The following C1orf105 variants were observed in gnomAD, a reference collection of about 807,000 sequenced individuals.
C1orf105 encodes chromosome 1 open reading frame 105, also known as uncharacterized protein C1orf105.
In C1orf105, 17 loss-of-function variants were observed where a neutral mutation model predicts 20.8. The observed-to-expected ratio is 0.82, with a 90% confidence interval of 0.56 to 1.23. C1orf105 has a LOEUF of 1.23. Among genes scored for constraint, C1orf105 ranks in the 50% most tolerant of loss-of-function variants. The probability of loss-of-function intolerance (pLI) is 0.00; values close to 1 mark genes in which losing one functional copy is unlikely to be tolerated. For missense variants in C1orf105, 219 were observed against 213.5 expected (o/e 1.03, Z -0.16); for synonymous variants, 72 against 72.1 (o/e 1.00, Z 0.01).
intron 1 of C1orf105, among the ~76,000 whole-genome samples, chr1:172,426,328 C>T (rs771439698): frequency 1.3e-5 from 2 of 152,150 alleles, no homozygotes; most frequent in Non-Finnish European, 2.9e-5. Flanking sequence ...CTCGCTAAAA[C>T]CCCCAGCTTT....
At chr1:172,426,488 T>C (rs953597261) in intron 1 of C1orf105, among the ~76,000 whole-genome samples, 10 of 152,178 alleles carry the variant, frequency 6.6e-5, no homozygotes, top group Non-Finnish European at 1.2e-4. Context: ...GTTTTAATTC[T>C]TGGGGATTTT....
intron 4 of C1orf105, among the ~76,000 whole-genome samples, chr1:172,460,105 T>C (rs6699095): frequency 0.46 from 70,245 of 151,912 alleles, 16,706 homozygotes; most frequent in East Asian, 0.68. Flanking sequence ...CATGAACTGT[T>C]CTAGGAATAA....
chr1:172,438,935 C>T (rs527952345), intron 1 of C1orf105, among the ~76,000 whole-genome samples: 29 of 152,308 alleles, frequency 1.9e-4, no homozygotes, highest in Non-Finnish European at 3.5e-4. Context: ...GATGATTGTT[C>T]GCATTTTTAG....
intron 1 of C1orf105, chr1:172,441,618 C>T (rs1647314051): frequency 7.8e-6 from 8 of 1,026,750 alleles, no homozygotes; most frequent in Non-Finnish European, 1.1e-5. Flanking sequence ...GATCTCTATT[C>T]TCTTACCACA....
chr1:172,455,163 T>C (rs774610606), intron 3 of C1orf105, among the ~76,000 whole-genome samples: 2 of 152,240 alleles, frequency 1.3e-5, no homozygotes, highest in Non-Finnish European at 2.9e-5. Context: ...GTATTTTAAA[T>C]GTTTCTCAAA....
rs1442947909 is a variant in C1orf105, at chr1:172,468,668, C to T, written c.*74C>T. 6.9e-7 allele frequency: 1 copy of T among 1,456,294 alleles called. No homozygotes were observed. The highest frequency in any genetic ancestry group is 9.3e-7 in the Non-Finnish European group (1 of 1,075,062). The allele number at this position is 1,456,294 out of a possible 1,614,324, so 90.2% of individuals were successfully genotyped here. On this transcript the variant is annotated 3_prime_UTR_variant, in exon 7 of 7. Transcript: ENST00000367727. ...GCCAAGCCAATCTTTGACACTGGCACCTTCTCCTCACAATTTTCTCTCTTC... is the reference window on the plus strand; with the variant it reads ...GCCAAGCCAATCTTTGACACTGGCATCTTCTCCTCACAATTTTCTCTCTTC...
At chr1:172,458,121 T>C (rs1649434735) in intron 4 of C1orf105, among the ~76,000 whole-genome samples, 1 of 152,170 alleles carries the variant, frequency 6.6e-6, no homozygotes, top group African/African-American at 2.4e-5. Flanking sequence ...GCTAACACCC[T>C]ACTTAATGGT....
intron 3 of C1orf105, among the ~76,000 whole-genome samples, chr1:172,454,253 TC>T (rs1287968927): frequency 6.6e-6 from 1 of 151,944 alleles, no homozygotes. Context: ...AAATTCCACT[TC>T]TAGGAAGCCT....
At chr1:172,457,070 C>A (rs1649330437) in intron 4 of C1orf105, among the ~76,000 whole-genome samples, 1 of 152,092 alleles carries the variant, frequency 6.6e-6, no homozygotes, top group South Asian at 2.1e-4. Flanking sequence ...GTGGAGGGAA[C>A]AAAGACAAAC....
intron 2 of C1orf105, 132 bp from the exon 3 acceptor site, chr1:172,448,309 C>A: frequency 3.1e-6 from 2 of 650,108 alleles, no homozygotes; most frequent in Admixed American, 2.6e-5. Context: ...TCCCCAATGG[C>A]CTGAGTGCTC....
intron 6 of C1orf105, among the ~76,000 whole-genome samples, chr1:172,467,058 A>T (rs1650119084): frequency 6.6e-6 from 1 of 152,228 alleles, no homozygotes; most frequent in South Asian, 2.1e-4. Flanking sequence ...AAACCAGAGT[A>T]GCATGTTGTC....
At chr1:172,465,980 C>T (rs1468272155) in intron 6 of C1orf105, among the ~76,000 whole-genome samples, 1 of 152,254 alleles carries the variant, frequency 6.6e-6, no homozygotes, top group Non-Finnish European at 1.5e-5. Context: ...GCAGCACAGG[C>T]TGTCACTTTA....
chr1:172,457,594 G>A (rs1340501269), intron 4 of C1orf105, among the ~76,000 whole-genome samples: 1 of 152,164 alleles, frequency 6.6e-6, no homozygotes, highest in African/African-American at 2.4e-5. Context: ...CTGGAGTCTG[G>A]GAAACTAGGA....
intron 1 of C1orf105, chr1:172,428,867 C>T (rs1193162871): frequency 2.9e-6 from 2 of 690,046 alleles, no homozygotes; most frequent in East Asian, 5.4e-5. Context: ...CAATAAATTC[C>T]TGAAGCCACA....
At chr1:172,461,379 C>T (rs1649679546) in intron 4 of C1orf105, among the ~76,000 whole-genome samples, 2 of 152,192 alleles carry the variant, frequency 1.3e-5, no homozygotes, top group Non-Finnish European at 2.9e-5. Context: ...GTACAAGTCA[C>T]TTAGTGAGTA....
At chr1:172,436,830 G>T (rs1051931679) in intron 1 of C1orf105, among the ~76,000 whole-genome samples, 1 of 152,144 alleles carries the variant, frequency 6.6e-6, no homozygotes, top group Non-Finnish European at 1.5e-5. Flanking sequence ...GAAAATTTTT[G>T]CAATCTACCC....
intron 1 of C1orf105, among the ~76,000 whole-genome samples, chr1:172,426,469 G>A (rs2071725101): frequency 6.6e-6 from 1 of 151,968 alleles, no homozygotes; most frequent in Non-Finnish European, 1.5e-5. Context: ...TCCCTCCAGT[G>A]ATACTCCTGT....
At chr1:172,449,859 C>T (rs994247590) in intron 3 of C1orf105, among the ~76,000 whole-genome samples, 5 of 152,206 alleles carry the variant, frequency 3.3e-5, no homozygotes, top group Non-Finnish European at 1.5e-5. Flanking sequence ...TTCCAGTCAT[C>T]AAGTCGCTGT....
chr1:172,433,359 T>A (rs2071932094), intron 1 of C1orf105, among the ~76,000 whole-genome samples: 1 of 151,956 alleles, frequency 6.6e-6, no homozygotes, highest in Non-Finnish European at 1.5e-5. Context: ...GAAAGAAAGG[T>A]CAGGTTACCC....
Sources: gnomAD v4.1 joint callset for allele counts (sites outside exome capture counted in the v4.1 genomes callset) on GRCh38, gnomAD v4.1.1 for gene constraint, MANE v1.5 for transcripts, NCBI Gene and HGNC (gene_info 2026-07-23, HGNC 2026-07-21) for gene names.